PCDH15: variants seen among roughly 807,000 people sequenced by gnomAD.
PCDH15 encodes the protein protocadherin-15.
In PCDH15, 129 loss-of-function variants were observed where a neutral mutation model predicts 178.5. The ratio of observed to expected loss-of-function variants is 0.72; its 90% CI spans 0.63 to 0.84. The LOEUF is 0.84. Among genes scored for constraint, PCDH15 ranks in the 40% least tolerant of loss-of-function variants. The pLI, the probability that PCDH15 is intolerant of heterozygous loss-of-function variation, is 0.00. For missense variants in PCDH15, 2,230 were observed against 2,099.9 expected (o/e 1.06, Z -1.21); for synonymous variants, 800 against 732.0 (o/e 1.09, Z -1.50).
At chr10:55,619,529 C>T (rs1843545705) in intron 2 of PCDH15, among the ~76,000 whole-genome samples, 1 of 151,968 alleles carries the variant, frequency 6.6e-6, no homozygotes, top group Admixed American at 6.5e-5. Context: ...AAGTTTTAAA[C>T]TTTCCTGAAC....
intron 25 of PCDH15, among the ~76,000 whole-genome samples, chr10:53,928,857 T>A (rs1288464498): frequency 6.6e-6 from 1 of 151,936 alleles, no homozygotes; most frequent in Non-Finnish European, 1.5e-5. Context: ...CTAAAAAGGC[T>A]TAGAAAAAAA....
chr10:54,421,893 CACTATATATATATA>C (rs1565231923), intron 3 of PCDH15, among the ~76,000 whole-genome samples: 850 of 77,118 alleles, frequency 0.011, 59 homozygotes, highest in African/African-American at 0.055. Flanking sequence ...TACACACACA[CACTATATATATATA>C]TACACTATAT....
intron 6 of PCDH15, among the ~76,000 whole-genome samples, chr10:54,343,910 T>C (rs1252276254): frequency 2.0e-5 from 3 of 152,042 alleles, no homozygotes; most frequent in African/African-American, 7.2e-5. Context: ...TTAAATAAAA[T>C]AGTTATGGTG....
chr10:54,426,019 G>T (rs978228827), intron 3 of PCDH15, among the ~76,000 whole-genome samples: 3 of 152,074 alleles, frequency 2.0e-5, no homozygotes, highest in African/African-American at 7.2e-5. Context: ...TGATAAACAG[G>T]TGAATGGGGA....
At chr10:55,103,958 T>A (rs1430500457) in intron 2 of PCDH15, among the ~76,000 whole-genome samples, 3 of 152,088 alleles carry the variant, frequency 2.0e-5, no homozygotes, top group Non-Finnish European at 2.9e-5. Flanking sequence ...GTTTTCTTGT[T>A]TTACAAGCAA....
chr10:55,476,140 T>C (rs1378567589), intron 2 of PCDH15, among the ~76,000 whole-genome samples: 1 of 152,122 alleles, frequency 6.6e-6, no homozygotes, highest in Non-Finnish European at 1.5e-5. Context: ...AATAAGTACA[T>C]GCTAAAACAA....
chr10:54,844,780 C>A (rs1017177898), intron 3 of PCDH15, among the ~76,000 whole-genome samples: 3 of 151,912 alleles, frequency 2.0e-5, no homozygotes, highest in African/African-American at 4.8e-5. Context: ...TTTGGGAGAA[C>A]TTTTCAATAA....
At chr10:55,247,974 T>G (rs1234059583) in intron 1 of PCDH15, 1 of 133,002 alleles carries the variant, frequency 7.5e-6, no homozygotes, top group Non-Finnish European at 1.6e-5. Flanking sequence ...TTACTTATTT[T>G]GGGCTTTTTT....
chr10:54,239,601 T>C (rs990407093), intron 8 of PCDH15, among the ~76,000 whole-genome samples: 2 of 151,964 alleles, frequency 1.3e-5, no homozygotes, highest in African/African-American at 4.8e-5. Context: ...GACTATGTCA[T>C]TACCATAGCC....
chr10:55,074,178 T>G (rs1204573360), intron 2 of PCDH15, among the ~76,000 whole-genome samples: 1 of 152,200 alleles, frequency 6.6e-6, no homozygotes, highest in Non-Finnish European at 1.5e-5. Context: ...AACATACACG[T>G]GCACGTATCT....
intron 2 of PCDH15, among the ~76,000 whole-genome samples, chr10:55,000,650 C>T (rs1591828466): frequency 6.6e-6 from 1 of 152,164 alleles, no homozygotes; most frequent in Non-Finnish European, 1.5e-5. Flanking sequence ...TCCATGAAAT[C>T]TTCACAATTT....
intron 2 of PCDH15, among the ~76,000 whole-genome samples, chr10:54,581,626 A>G (rs1226543812): frequency 6.6e-6 from 1 of 152,104 alleles, no homozygotes; most frequent in African/African-American, 2.4e-5. Flanking sequence ...AAAGGAAGGT[A>G]AACAAAAAGA....
At chr10:55,546,006 A>G (rs958882090) in intron 2 of PCDH15, among the ~76,000 whole-genome samples, 2 of 152,152 alleles carry the variant, frequency 1.3e-5, no homozygotes, top group African/African-American at 2.4e-5. Flanking sequence ...AGAAAAGTCA[A>G]TGATGTTATT....
At chr10:55,128,516 C>G (rs1837961255) in intron 2 of PCDH15, among the ~76,000 whole-genome samples, 1 of 152,108 alleles carries the variant, frequency 6.6e-6, no homozygotes, top group South Asian at 2.1e-4. Context: ...TTTTATGTAT[C>G]TAAAATGATC....
intron 29 of PCDH15, 134 bp downstream of exon 29, chr10:53,840,186 G>T (rs1020037027): frequency 1.1e-4 from 116 of 1,088,214 alleles, no homozygotes; most frequent in Non-Finnish European, 1.6e-4. Context: ...GGTATTTCAG[G>T]TTCTTTGCTT....
intron 2 of PCDH15, among the ~76,000 whole-genome samples, chr10:54,608,683 A>C (rs2092854478): frequency 6.6e-6 from 1 of 152,082 alleles, no homozygotes; most frequent in South Asian, 2.1e-4. Context: ...TTCGTCAAGA[A>C]GTCAAGATTT....
chr10:55,084,116 G>C (rs1842105836), intron 2 of PCDH15, among the ~76,000 whole-genome samples: 2 of 151,736 alleles, frequency 1.3e-5, no homozygotes, highest in South Asian at 4.1e-4. Flanking sequence ...AATAGCCAAA[G>C]TCATCCTGGG....
intron 1 of PCDH15, among the ~76,000 whole-genome samples, chr10:54,764,573 T>A (rs1434727102): frequency 1.3e-5 from 2 of 152,142 alleles, no homozygotes; most frequent in African/African-American, 4.8e-5. Context: ...AATTTCAGTG[T>A]TGACTATTAG....
intron 9 of PCDH15, among the ~76,000 whole-genome samples, chr10:54,230,723 G>T (rs184948258): frequency 6.6e-6 from 1 of 151,964 alleles, no homozygotes. Flanking sequence ...CAACATTTTA[G>T]TTGCCAGAAT....
Sources: gnomAD v4.1 joint callset for allele counts (sites outside exome capture counted in the v4.1 genomes callset) on GRCh38, gnomAD v4.1.1 for gene constraint, MANE v1.5 for transcripts, NCBI Gene and HGNC (gene_info 2026-07-23, HGNC 2026-07-21) for gene names.